Variants in ABTB2 observed in about 807,000 individuals in gnomAD.
ABTB2 encodes the protein ankyrin repeat and BTB/POZ domain-containing protein 2.
Under a neutral mutation model 104.1 loss-of-function variants are expected in ABTB2, and 56 were observed. The ratio of observed to expected loss-of-function variants is 0.54; its 90% CI spans 0.43 to 0.67. The LOEUF (loss-of-function observed/expected upper bound fraction) is 0.67, where lower values mean the gene tolerates loss of function less well. ABTB2 is among the 30% of genes least tolerant of loss of function. ABTB2 has a pLI of 0.00. For synonymous variants in ABTB2, 606 were observed against 608.2 expected (o/e 1.00, Z 0.05); for missense variants, 1,279 against 1,407.7 (o/e 0.91, Z 1.46).
chr11:34,197,184 G>C, intron 3 of ABTB2, 141 bp downstream of exon 3: 1 of 924,400 alleles, frequency 1.1e-6, no homozygotes, highest in East Asian at 2.6e-5. Context: ...GGAATTCCTG[G>C]GCCACCTCCT....
At chr11:34,342,248 A>T (rs1855270160) in intron 1 of ABTB2, among the ~76,000 whole-genome samples, 1 of 152,230 alleles carries the variant, frequency 6.6e-6, no homozygotes, top group South Asian at 2.1e-4. Flanking sequence ...ACGCAGAGAA[A>T]CAAATACCTA....
chr11:34,296,966 C>T (rs1655707776), intron 1 of ABTB2, among the ~76,000 whole-genome samples: 1 of 152,192 alleles, frequency 6.6e-6, no homozygotes, highest in South Asian at 2.1e-4. Context: ...GTGACTTGCT[C>T]AAAGACCTAG....
intron 1 of ABTB2, among the ~76,000 whole-genome samples, chr11:34,287,463 C>T (rs1266568410): frequency 6.6e-6 from 1 of 152,100 alleles, no homozygotes; most frequent in Non-Finnish European, 1.5e-5. Flanking sequence ...GTGGAAGAAT[C>T]GCTTGAATCT....
intron 2 of ABTB2, among the ~76,000 whole-genome samples, chr11:34,198,443 AAC>A (rs1195679209): frequency 1.1e-3 from 94 of 83,762 alleles, no homozygotes; most frequent in African/African-American, 4.4e-3. Flanking sequence ...AAAACAAACA[AAC>A]AACAACAACA....
chr11:34,313,247 G>A (rs60010986), intron 1 of ABTB2, among the ~76,000 whole-genome samples: 2,277 of 152,336 alleles, frequency 0.015, 55 homozygotes, highest in African/African-American at 0.051. Flanking sequence ...GTAACAGAAT[G>A]ACCAGACACC....
chr11:34,294,270 G>A (rs1035679418), intron 1 of ABTB2, among the ~76,000 whole-genome samples: 37 of 152,312 alleles, frequency 2.4e-4, no homozygotes, highest in African/African-American at 8.4e-4. Flanking sequence ...CATTGAGGCT[G>A]CAGTGAACAG....
intron 1 of ABTB2, among the ~76,000 whole-genome samples, chr11:34,284,010 T>C (rs1162053550): frequency 2.6e-5 from 4 of 152,258 alleles, no homozygotes; most frequent in African/African-American, 4.8e-5. Flanking sequence ...TCTCAAACTG[T>C]GCCATGCACA....
intron 1 of ABTB2, among the ~76,000 whole-genome samples, chr11:34,224,661 T>C (rs1367421675): frequency 1.3e-5 from 2 of 152,222 alleles, no homozygotes; most frequent in Admixed American, 6.5e-5. Flanking sequence ...TTTGCTCGTC[T>C]GCACAGTGGA....
At position 34,323,139 on chromosome 11, in the gene ABTB2, T is replaced by G. The variant is rs997989761; in HGVS notation, c.883+33562A>C. Among the ~76,000 whole-genome samples the G allele has an allele frequency of 3.9e-5, 6 of 152,316 alleles. No homozygotes were observed. The South Asian group carries it at 1.2e-3, about 32-fold the overall frequency. Reference sequence around the variant, plus strand: ...CCAGGCTGGTCTCGAACTCCTGACCTCAAGTGATCCGCCTGCCTCAGCCTC... The same window carrying G: ...CCAGGCTGGTCTCGAACTCCTGACCGCAAGTGATCCGCCTGCCTCAGCCTC... On this transcript the variant is annotated intron_variant, in intron 1 of 16. Transcript: ENST00000435224.
At chr11:34,280,442 G>A (rs917521695) in intron 1 of ABTB2, among the ~76,000 whole-genome samples, 3 of 152,196 alleles carry the variant, frequency 2.0e-5, no homozygotes, top group Admixed American at 6.5e-5. Flanking sequence ...TGCCTGTGGC[G>A]ACTCAGCACC....
intron 1 of ABTB2, among the ~76,000 whole-genome samples, chr11:34,266,764 A>AT (rs1432910405): frequency 1.1e-4 from 16 of 151,750 alleles, no homozygotes; most frequent in Non-Finnish European, 2.2e-4. Flanking sequence ...CATTTCCCAG[A>AT]TCCCCCTCCC....
rs778263561 is a variant in ABTB2 at position 34,162,744 on chromosome 11, C to T, written c.2050G>A (p.Glu684Lys). 1.2e-6 allele frequency: 2 copies of T among 1,610,786 alleles called. No homozygotes were observed. The highest frequency in any genetic ancestry group is 2.2e-5 in the East Asian group (1 of 44,880). Residue 684 changes from glutamate to lysine, a missense_variant, in exon 10 of 17, where the codon GAG (glutamate) becomes AAG (lysine). Coordinates refer to ENST00000435224, the MANE Select transcript of ABTB2 (RefSeq NM_145804.3). ...QQAKADVLSL[E>K]EILAEGVEES... ...TCCACACCCTCGGCCAGGATCTCCT[C>T]CAGGGACAGCACGTCCGCTTTAGCC...
rs1026422169 is a variant in ABTB2 at position 34,244,744 on chromosome 11, A to T, written c.884-40054T>A. 7.9e-5 allele frequency among the ~76,000 whole-genome samples: 12 copies of T among 152,226 alleles called. No individual in the cohort carries two copies. In the South Asian group the frequency reaches 1.2e-3, roughly 16 times the overall value. ...CTGCGATTCTAGGGTCCCTTATAAG[A>T]TTGTTGTAATCCCAGCACTTTGGGA... On this transcript the variant is annotated intron_variant, in intron 1 of 16. Coordinates refer to ENST00000435224, the MANE Select transcript of ABTB2 (RefSeq NM_145804.3).
At chr11:34,228,466 C>A (rs534012690) in intron 1 of ABTB2, among the ~76,000 whole-genome samples, 1 of 152,262 alleles carries the variant, frequency 6.6e-6, no homozygotes, top group South Asian at 2.1e-4. Context: ...CTCACTGCAA[C>A]CTCTGCCTCC....
chr11:34,280,246 C>T (rs1854434744), intron 1 of ABTB2, among the ~76,000 whole-genome samples: 1 of 152,056 alleles, frequency 6.6e-6, no homozygotes, highest in African/African-American at 2.4e-5. Flanking sequence ...GCAGGCTTTA[C>T]CACTACACAG....
chr11:34,248,088 A>ATTTTTTTTTTTTTTTTTTT lies in ABTB2; in HGVS notation c.884-43399_884-43398insAAAAAAAAAAAAAAAAAAA, dbSNP rs377220875. 4.6e-3 allele frequency among the ~76,000 whole-genome samples: 357 copies of ATTTTTTTTTTTTTTTTTTT among 78,338 alleles called. 11 individuals are homozygous for ATTTTTTTTTTTTTTTTTTT. Among genetic ancestry groups the ATTTTTTTTTTTTTTTTTTT allele is most frequent in the African/African-American group, 8.7e-3 (123 of 14,100 alleles). 51.4% of individuals were successfully genotyped at this position (78,338 alleles called of 152,430 possible). ...CAATCATTCAATTTACTTATCTATA[A>ATTTTTTTTTTTTTTTTTTT]TTTTTCTTAAAAAAAAAAAAAAAAA... On this transcript the variant is annotated intron_variant, in intron 1 of 16. Coordinates refer to ENST00000435224, the MANE Select transcript of ABTB2 (RefSeq NM_145804.3).
intron 1 of ABTB2, among the ~76,000 whole-genome samples, chr11:34,323,484 G>C (rs1855029854): frequency 6.6e-6 from 1 of 152,140 alleles, no homozygotes; most frequent in Non-Finnish European, 1.5e-5. Flanking sequence ...ATGCCTTAAG[G>C]CTGTTTCTCC....
intron 1 of ABTB2, among the ~76,000 whole-genome samples, chr11:34,276,115 T>G (rs1430670279): frequency 1.3e-5 from 2 of 152,078 alleles, no homozygotes; most frequent in Non-Finnish European, 2.9e-5. Flanking sequence ...GGTCACAGTC[T>G]TTGTTTCTTA....
chr11:34,194,452 A>G (rs967025125), intron 3 of ABTB2, among the ~76,000 whole-genome samples: 8 of 152,206 alleles, frequency 5.3e-5, no homozygotes, highest in African/African-American at 1.9e-4. Context: ...CAAACTCACA[A>G]AAGCAAAGCT....
Sources: allele counts gnomAD v4.1 joint callset (sites outside exome capture counted in the v4.1 genomes callset), GRCh38; gene constraint gnomAD v4.1.1; transcripts MANE v1.5; gene names NCBI Gene and HGNC (gene_info 2026-07-23, HGNC 2026-07-21).